LRP1B: variants seen among roughly 807,000 people sequenced by gnomAD.
LRP1B encodes the protein low-density lipoprotein receptor-related protein 1B.
A neutral mutation model predicts 556.6 loss-of-function variants in LRP1B; 217 were observed. The observed-to-expected ratio is 0.39, with a 90% CI of 0.35 to 0.44. The LOEUF is 0.44. Ranked by LOEUF, LRP1B falls within the 20% of genes least tolerant of loss-of-function variation. The pLI, the probability that LRP1B is intolerant of heterozygous loss-of-function variation, is 1.00. For synonymous variants in LRP1B, 2,047 were observed against 1,865.8 expected, an observed-to-expected ratio of 1.10 and a Z score of -2.50; for missense variants, 5,053 against 5,620.8, an observed-to-expected ratio of 0.90 and a Z score of 3.23.
intron 1 of LRP1B, among the ~76,000 whole-genome samples, chr2:141,864,694 A>T (rs1334851161): frequency 2.0e-5 from 3 of 152,174 alleles, no homozygotes. Flanking sequence ...ATCCTGGCCA[A>T]CATGGTGAAA....
chr2:141,883,333 A>G (rs1263113143), intron 1 of LRP1B, among the ~76,000 whole-genome samples: 1 of 152,196 alleles, frequency 6.6e-6, no homozygotes. Flanking sequence ...AATAACAATA[A>G]GTGTTCTTGA....
chr2:140,498,045 C>T (rs1395015216), intron 55 of LRP1B, among the ~76,000 whole-genome samples: 1 of 151,776 alleles, frequency 6.6e-6, no homozygotes, highest in Non-Finnish European at 1.5e-5. Context: ...GGAAATTCTA[C>T]TCATTAACTT....
intron 11 of LRP1B, among the ~76,000 whole-genome samples, chr2:141,032,774 T>A (rs550461262): frequency 3.9e-4 from 59 of 149,846 alleles, no homozygotes; most frequent in Non-Finnish European, 7.0e-4. Flanking sequence ...CATAGAAATG[T>A]GTTTTCTAAA....
intron 3 of LRP1B, among the ~76,000 whole-genome samples, chr2:141,454,068 C>G (rs1429292915): frequency 2.0e-5 from 3 of 152,054 alleles, no homozygotes; most frequent in African/African-American, 7.2e-5. Context: ...AACCTTGCCC[C>G]CAAATATGTA....
At chr2:141,694,848 GT>G (rs1334992737) in intron 2 of LRP1B, among the ~76,000 whole-genome samples, 72 of 152,056 alleles carry the variant, frequency 4.7e-4, no homozygotes, top group Middle Eastern at 3.4e-3. Context: ...TTCCATTTCT[GT>G]CTTTTATTTC....
intron 2 of LRP1B, among the ~76,000 whole-genome samples, chr2:141,536,134 A>G (rs895371506): frequency 6.6e-6 from 1 of 152,102 alleles, no homozygotes; most frequent in African/African-American, 2.4e-5. Context: ...CAAAAGCGCA[A>G]CACTTTAAAA....
chr2:140,445,972 AT>A (rs1428580990), intron 63 of LRP1B, among the ~76,000 whole-genome samples: 2 of 152,182 alleles, frequency 1.3e-5, no homozygotes. Context: ...GAAATAAATT[AT>A]GCTTTTATAA....
At chr2:141,472,834 T>G (rs1682529900) in intron 3 of LRP1B, among the ~76,000 whole-genome samples, 1 of 148,352 alleles carries the variant, frequency 6.7e-6, no homozygotes, top group Non-Finnish European at 1.5e-5. Flanking sequence ...AATTTTTTTT[T>G]GTTTCCATAG....
intron 14 of LRP1B, among the ~76,000 whole-genome samples, chr2:141,007,048 C>G (rs1271837957): frequency 6.6e-6 from 1 of 151,812 alleles, no homozygotes; most frequent in African/African-American, 2.4e-5. Context: ...TTGTTGAAAG[C>G]ATCAATAAAT....
intron 2 of LRP1B, among the ~76,000 whole-genome samples, chr2:141,561,734 C>T (rs954564472): frequency 3.3e-5 from 5 of 151,830 alleles, no homozygotes; most frequent in African/African-American, 1.2e-4. Context: ...ATAATGGTTA[C>T]ATGTTATAGT....
chr2:141,694,907 T>G (rs1221421243), intron 2 of LRP1B, among the ~76,000 whole-genome samples: 2 of 152,082 alleles, frequency 1.3e-5, no homozygotes, highest in Non-Finnish European at 2.9e-5. Context: ...ACTCATCATC[T>G]TTGGTATTCC....
At chr2:141,862,632 C>G (rs1043161447) in intron 1 of LRP1B, among the ~76,000 whole-genome samples, 1 of 152,176 alleles carries the variant, frequency 6.6e-6, no homozygotes, top group African/African-American at 2.4e-5. Context: ...TGCTTTCGAA[C>G]TCCCGACCTC....
intron 7 of LRP1B, among the ~76,000 whole-genome samples, chr2:141,175,973 C>T (rs536172665): frequency 6.6e-6 from 1 of 152,048 alleles, no homozygotes; most frequent in Non-Finnish European, 1.5e-5. Flanking sequence ...AAGTGACTGC[C>T]CTGTGGGGTT....
intron 25 of LRP1B, among the ~76,000 whole-genome samples, chr2:140,878,843 C>T (rs1693385398): frequency 6.6e-6 from 1 of 151,882 alleles, no homozygotes; most frequent in Admixed American, 6.6e-5. Flanking sequence ...CCTGTCTCTA[C>T]TAAAAATAGA....
intron 15 of LRP1B, 43 bp from the exon 16 acceptor site, chr2:140,994,178 C>T (rs1017732868): frequency 1.3e-5 from 20 of 1,540,722 alleles, no homozygotes; most frequent in Non-Finnish European, 1.7e-5. Context: ...ATGCTAGCTA[C>T]AGTCAGTCCA....
chr2:141,353,051 A>G (rs1688500500), intron 3 of LRP1B, among the ~76,000 whole-genome samples: 1 of 151,970 alleles, frequency 6.6e-6, no homozygotes, highest in African/African-American at 2.4e-5. Flanking sequence ...TAGAGAAATA[A>G]TTTTGATTTT....
intron 33 of LRP1B, 95 bp downstream of exon 33, chr2:140,776,003 G>A (rs1355982293): frequency 5.6e-6 from 6 of 1,074,892 alleles, no homozygotes; most frequent in Non-Finnish European, 8.0e-6. Flanking sequence ...TTAGAAGCAA[G>A]AATAGAAACC....
At chr2:140,638,390 AATTC>A (rs1684150962) in intron 41 of LRP1B, among the ~76,000 whole-genome samples, 1 of 152,168 alleles carries the variant, frequency 6.6e-6, no homozygotes, top group Admixed American at 6.5e-5. Context: ...AGCCATAGAC[AATTC>A]AGGTAATTCT....
At chr2:142,002,567 G>A (rs543253123) in intron 1 of LRP1B, among the ~76,000 whole-genome samples, 188 of 151,234 alleles carry the variant, frequency 1.2e-3, no homozygotes, top group Non-Finnish European at 2.4e-3. Flanking sequence ...ATAATTCATT[G>A]AGGCCTGTCA....
Sources: allele counts gnomAD v4.1 joint callset (sites outside exome capture counted in the v4.1 genomes callset), GRCh38; gene constraint gnomAD v4.1.1; transcripts MANE v1.5; gene names NCBI Gene and HGNC (gene_info 2026-07-23, HGNC 2026-07-21).